Variants in GALNT5 observed in about 807,000 individuals in gnomAD.
GALNT5 encodes UDP-GalNAc:polypeptide N-acetylgalactosaminyltransferase 5.
In GALNT5, 72 loss-of-function variants were observed where a neutral mutation model predicts 85.4. The observed-to-expected ratio is 0.84, with a 90% CI of 0.70 to 1.03. The LOEUF is 1.03. GALNT5 is among the 50% of genes least tolerant of loss of function. The probability of loss-of-function intolerance (pLI) is 0.00; values close to 1 mark genes in which losing one functional copy is unlikely to be tolerated. For synonymous variants in GALNT5, 404 were observed against 397.0 expected, an observed-to-expected ratio of 1.02 and a Z score of -0.21; for missense variants, 1,137 against 1,135.5, an observed-to-expected ratio of 1.00 and a Z score of -0.02.
chr2:157,304,255 AGTGAGCTG>A (rs1195352685), intron 7 of GALNT5, among the ~76,000 whole-genome samples: 1 of 152,184 alleles, frequency 6.6e-6, no homozygotes, highest in East Asian at 1.9e-4. Flanking sequence ...ATTTACTAAC[AGTGAGCTG>A]TCTCCTCCCA....
In GALNT5 at chr2:157,258,874, A is replaced by G. The variant is rs1374324748; in HGVS notation, c.792A>G (p.Glu264=). The change falls in exon 1 of 10, where the codon GAA becomes GAG. Residue 264 remains glutamate (E), a synonymous_variant. Coordinates refer to ENST00000259056, the MANE Select transcript of GALNT5 (RefSeq NM_014568.3). The part of the protein sequence containing the change: ...ALNKTKTQSK[E]VNANKHKANT... The stretch of plus-strand genomic sequence containing the variant: ...ACAAAACTAAGACTCAGAGCAAAGA[A>G]GTCAATGCAAATAAACACAAAGCCA... The G allele has an allele frequency of 3.2e-6, 5 of 1,572,336 alleles. No individual in the cohort carries two copies. Among genetic ancestry groups the G allele is most frequent in the South Asian group, 1.2e-5 (1 of 84,332 alleles).
chr2:157,259,669 C>T (rs1260345043), intron 1 of GALNT5, 133 bp downstream of exon 1: 6 of 609,834 alleles, frequency 9.8e-6, no homozygotes, highest in African/African-American at 7.5e-5. Flanking sequence ...CATTGGATAT[C>T]ATTCAAATAT....
chr2:157,298,409 GA>G (rs1683261857), intron 5 of GALNT5, among the ~76,000 whole-genome samples: 1 of 152,168 alleles, frequency 6.6e-6, no homozygotes, highest in South Asian at 2.1e-4. Flanking sequence ...ATCTCAGAAG[GA>G]AAGGGAGAGT....
At position 157,258,353 on chromosome 2, in the gene GALNT5, G is replaced by A; in HGVS notation, c.271G>A (p.Val91Ile). The change falls in exon 1 of 10, where the codon GTT becomes ATT. Residue 91 changes from valine (V) to isoleucine (I), a missense_variant. Transcript: ENST00000259056. ...HGKGAWGKEN[V>I]RKTEESVLKV... ...GAAAGGGGCATGGGGCAAAGAGAAT[G>A]TTAGAAAAACTGAGGAGAGTGTGCT... 6.2e-7 allele frequency: 1 copy of A among 1,606,266 alleles called. No homozygotes were observed. Among genetic ancestry groups the A allele is most frequent in the Non-Finnish European group, 8.5e-7 (1 of 1,177,214 alleles).
chr2:157,303,094 A>G (rs1281723311), intron 7 of GALNT5, among the ~76,000 whole-genome samples: 1 of 152,200 alleles, frequency 6.6e-6, no homozygotes, highest in Non-Finnish European at 1.5e-5. Context: ...TACGGAATTT[A>G]GATCCAGTGA....
Position 157,262,984 on chromosome 2 carries a change from T to C in GALNT5, c.1454+3448T>C, listed in dbSNP as rs1390896169. 6.6e-5 allele frequency among the ~76,000 whole-genome samples: 10 copies of C among 151,276 alleles called. No individual in the cohort carries two copies. In the South Asian group the frequency reaches 1.2e-3, roughly 19 times the overall value. On this transcript the variant is annotated intron_variant, in intron 1 of 9. Coordinates refer to ENST00000259056, the MANE Select transcript of GALNT5 (RefSeq NM_014568.3). Reference sequence around the variant, plus strand: ...CTGGGACTACAGGCACCCGCCACCATGCCCAGCTAATTTTTTGTATTTTTA... The same window carrying C: ...CTGGGACTACAGGCACCCGCCACCACGCCCAGCTAATTTTTTGTATTTTTA...
intron 1 of GALNT5, among the ~76,000 whole-genome samples, chr2:157,263,121 C>T (rs565281366): frequency 1.3e-5 from 2 of 151,802 alleles, no homozygotes; most frequent in South Asian, 4.1e-4. Flanking sequence ...GCCACCGCAT[C>T]CGGCCCACAC....
intron 1 of GALNT5, among the ~76,000 whole-genome samples, chr2:157,261,947 G>T (rs1027760162): frequency 6.6e-6 from 1 of 151,834 alleles, no homozygotes; most frequent in African/African-American, 2.4e-5. Context: ...TCAGCATAAG[G>T]GGAAATTGTT....
chr2:157,288,569 T>C (rs1290899478), intron 3 of GALNT5, among the ~76,000 whole-genome samples: 5 of 152,152 alleles, frequency 3.3e-5, no homozygotes, highest in Non-Finnish European at 7.3e-5. Flanking sequence ...TCATGGGTGC[T>C]GACCATGGGG....
At position 157,271,102 on chromosome 2, in the gene GALNT5, CAA is replaced by C. The variant is rs60440798; in HGVS notation, c.1454+11579_1454+11580del. On this transcript the variant is annotated intron_variant, in intron 1 of 9. Transcript: ENST00000259056. ...CTCCACTCCAGCCCAGACTCTGTCTCAAAAAAAAAAAAAATGTGAAAGCGTTG... is the reference window on the plus strand; with the variant it reads ...CTCCACTCCAGCCCAGACTCTGTCTCAAAAAAAAAAAATGTGAAAGCGTTG... 2.4e-4 allele frequency among the ~76,000 whole-genome samples: 31 copies of C among 131,814 alleles called. No individual in the cohort carries two copies. The Middle Eastern group carries it at 0.012, about 51-fold the overall frequency. The allele number at this position is 131,814 out of a possible 152,430, so 86.5% of individuals were successfully genotyped here.
rs758122803 is a variant in GALNT5 at position 157,258,903 on chromosome 2, C to T, written c.821C>T (p.Thr274Met). Residue 274 changes from threonine to methionine, a missense_variant, in exon 1 of 10, where the codon ACG becomes ATG. By Grantham distance (81) the Thr-to-Met change is moderately conservative. Coordinates refer to ENST00000259056, the MANE Select transcript of GALNT5 (RefSeq NM_014568.3). ...EVNANKHKANTSLPFPKFTVN... is the reference protein window; with the variant it reads ...EVNANKHKANMSLPFPKFTVN... ...AATGCAAATAAACACAAAGCCAATA[C>T]GAGTCTTCCTTTTCCTAAGTTCACT... 24 of 1,560,166 alleles carry T rather than the reference C, an allele frequency of 1.5e-5. No homozygotes were observed. Among genetic ancestry groups the T allele is most frequent in the South Asian group, 2.5e-5 (2 of 81,262 alleles).
At chr2:157,291,770 G>A (rs191726128) in intron 3 of GALNT5, among the ~76,000 whole-genome samples, 14 of 152,006 alleles carry the variant, frequency 9.2e-5, no homozygotes, top group East Asian at 1.9e-4. Context: ...TCTTTAACCC[G>A]CCTCTCCCTA....
At chr2:157,271,792 TA>T (rs572133410) in intron 1 of GALNT5, among the ~76,000 whole-genome samples, 1 of 152,312 alleles carries the variant, frequency 6.6e-6, no homozygotes, top group East Asian at 1.9e-4. Flanking sequence ...ATTGTTTGGA[TA>T]TAAGTTAAGT....
chr2:157,275,501 T>C (rs1248100125), intron 1 of GALNT5, among the ~76,000 whole-genome samples: 2 of 152,234 alleles, frequency 1.3e-5, no homozygotes, highest in East Asian at 1.9e-4. Context: ...CCTATTTCAT[T>C]GAGCAGTGGT....
At chr2:157,274,661 C>T (rs1331860123) in intron 1 of GALNT5, among the ~76,000 whole-genome samples, 1 of 152,170 alleles carries the variant, frequency 6.6e-6, no homozygotes, top group Non-Finnish European at 1.5e-5. Flanking sequence ...TCTTTGCCCA[C>T]TTTTTGATGG....
At chr2:157,272,415 C>T (rs557064692) in intron 1 of GALNT5, among the ~76,000 whole-genome samples, 1 of 152,238 alleles carries the variant, frequency 6.6e-6, no homozygotes, top group South Asian at 2.1e-4. Context: ...AGTACATGTA[C>T]AGGTTTGTTA....
chr2:157,275,115 G>T (rs1574017011), intron 1 of GALNT5, among the ~76,000 whole-genome samples: 1 of 152,100 alleles, frequency 6.6e-6, no homozygotes, highest in East Asian at 1.9e-4. Flanking sequence ...TTTTTGTCAG[G>T]TTTGTCGAAG....
chr2:157,289,049 A>G lies in GALNT5; in HGVS notation c.1741+2915A>G, dbSNP rs541192161. On this transcript the variant is annotated intron_variant, in intron 3 of 9. Coordinates refer to ENST00000259056, the MANE Select transcript of GALNT5 (RefSeq NM_014568.3). ...AGTTGAGTTTTGATTTTGTCCATAT[A>G]AATTTGAGATGAAAATGAGATATTC... Among the ~76,000 whole-genome samples the G allele has an allele frequency of 2.0e-5, 3 of 152,334 alleles. No individual in the cohort carries two copies. The South Asian group carries it at 6.2e-4, about 32-fold the overall frequency.
At chr2:157,296,369 CTTTG>C (rs1683213446) in intron 4 of GALNT5, 21 bp from the exon 5 acceptor site, 6 of 1,583,792 alleles carry the variant, frequency 3.8e-6, no homozygotes, top group Non-Finnish European at 5.2e-6. Context: ...CCAGATAACA[CTTTG>C]TTTTTCATTT....
Sources: allele counts gnomAD v4.1 joint callset (sites outside exome capture counted in the v4.1 genomes callset), GRCh38; gene constraint gnomAD v4.1.1; transcripts MANE v1.5; gene names NCBI Gene and HGNC (gene_info 2026-07-23, HGNC 2026-07-21).